XYLT1: variants seen among roughly 807,000 people sequenced by gnomAD.
XYLT1 encodes the protein beta-D-xylosyltransferase 1.
Under a neutral mutation model 91.3 loss-of-function variants are expected in XYLT1, and 36 were observed. The ratio of observed to expected loss-of-function variants is 0.39; its 90% CI spans 0.30 to 0.52. The LOEUF (loss-of-function observed/expected upper bound fraction) is 0.52, where lower values mean the gene tolerates loss of function less well. XYLT1 is among the 20% of genes least tolerant of loss of function. The probability of loss-of-function intolerance (pLI) is 0.68; values close to 1 mark genes in which losing one functional copy is unlikely to be tolerated. For synonymous variants in XYLT1, 588 were observed against 532.0 expected (o/e 1.11, Z -1.45); for missense variants, 1,242 against 1,284.5 (o/e 0.97, Z 0.51).
At chr16:17,293,553 T>A (rs1329473668) in intron 2 of XYLT1, among the ~76,000 whole-genome samples, 1 of 138,090 alleles carries the variant, frequency 7.2e-6, no homozygotes, top group African/African-American at 2.6e-5. Context: ...AGCGGCACAA[T>A]CCTGGCTCAC....
chr16:17,412,169 CA>C (rs905742972), intron 1 of XYLT1, among the ~76,000 whole-genome samples: 1 of 152,008 alleles, frequency 6.6e-6, no homozygotes, highest in Non-Finnish European at 1.5e-5. Flanking sequence ...AAATGGCCCC[CA>C]AAAACGCTCC....
intron 10 of XYLT1, among the ~76,000 whole-genome samples, chr16:17,123,442 C>G (rs1226702436): frequency 1.3e-5 from 2 of 152,116 alleles, no homozygotes; most frequent in Non-Finnish European, 2.9e-5. Context: ...GTGTTGAATT[C>G]AGGAGCAAGT....
chr16:17,257,781 G>A (rs865876427), intron 3 of XYLT1, among the ~76,000 whole-genome samples: 2 of 152,300 alleles, frequency 1.3e-5, no homozygotes, highest in African/African-American at 2.4e-5. Context: ...TTGGGCTCAT[G>A]ACATCAGCAT....
intron 7 of XYLT1, 46 bp from the exon 8 acceptor site, chr16:17,138,577 C>T: frequency 6.3e-7 from 1 of 1,594,758 alleles, no homozygotes; most frequent in Non-Finnish European, 8.6e-7. Flanking sequence ...CCCAGCCTCC[C>T]ACAGATGAAC....
intron 2 of XYLT1, among the ~76,000 whole-genome samples, chr16:17,356,392 A>G (rs1050636576): frequency 2.0e-5 from 3 of 152,052 alleles, no homozygotes; most frequent in Admixed American, 6.6e-5. Context: ...TCAGAGCTGC[A>G]CCTTCTATAC....
intron 1 of XYLT1, among the ~76,000 whole-genome samples, chr16:17,437,342 C>A (rs2036471026): frequency 6.6e-6 from 1 of 152,144 alleles, no homozygotes; most frequent in African/African-American, 2.4e-5. Context: ...GGGCTAAACT[C>A]CCACATGTGG....
At position 17,242,954 on chromosome 16, in the gene XYLT1, T is replaced by C. The variant is rs559286132; in HGVS notation, c.913+16034A>G. Among the ~76,000 whole-genome samples the C allele has an allele frequency of 9.8e-5, 15 of 152,334 alleles. No individual in the cohort carries two copies. The South Asian group carries it at 2.7e-3, about 27-fold the overall frequency. ...CAGCATGCGATAGGGTCTTCTCCCT[T>C]TTTAAGGCTGGCTAGTATTCCACTG... On this transcript the variant is annotated intron_variant, in intron 3 of 11. Coordinates refer to ENST00000261381, the MANE Select transcript of XYLT1 (RefSeq NM_022166.4).
intron 3 of XYLT1, among the ~76,000 whole-genome samples, chr16:17,243,567 A>T (rs1041851375): frequency 6.6e-6 from 1 of 152,166 alleles, no homozygotes; most frequent in Non-Finnish European, 1.5e-5. Flanking sequence ...TAGATTAAAG[A>T]TCAAGCAACA....
At chr16:17,163,277 T>G (rs2031595987) in intron 5 of XYLT1, among the ~76,000 whole-genome samples, 2 of 152,176 alleles carry the variant, frequency 1.3e-5, no homozygotes, top group Non-Finnish European at 2.9e-5. Context: ...CACCATTGTG[T>G]GTGTGTCTTA....
chr16:17,410,968 GGCTTCTTGCATATTTT>G (rs1361114599), intron 1 of XYLT1, among the ~76,000 whole-genome samples: 2 of 152,108 alleles, frequency 1.3e-5, no homozygotes, highest in Non-Finnish European at 2.9e-5. Flanking sequence ...ATTAGCACCA[GGCTTCTTGCATATTTT>G]ACAGATTGCT....
chr16:17,295,932 C>T (rs2034302585), intron 2 of XYLT1, among the ~76,000 whole-genome samples: 1 of 152,120 alleles, frequency 6.6e-6, no homozygotes, highest in Non-Finnish European at 1.5e-5. Context: ...ATGAATGAAC[C>T]CCCTCTGTGC....
chr16:17,162,839 A>G (rs2031587956), intron 5 of XYLT1, among the ~76,000 whole-genome samples: 1 of 152,256 alleles, frequency 6.6e-6, no homozygotes, highest in Admixed American at 6.5e-5. Flanking sequence ...ATGTATGACT[A>G]TGAGTAGTTA....
intron 2 of XYLT1, among the ~76,000 whole-genome samples, chr16:17,266,822 G>A (rs148828482): frequency 0.018 from 2,772 of 152,302 alleles, 98 homozygotes; most frequent in Admixed American, 0.1. Context: ...ACAGGGAGAG[G>A]CCTGCACCTG....
chr16:17,330,027 C>T (rs944617447), intron 2 of XYLT1, among the ~76,000 whole-genome samples: 1 of 151,882 alleles, frequency 6.6e-6, no homozygotes, highest in Admixed American at 6.6e-5. Context: ...GAACAGTATT[C>T]ATAGCCCCAG....
intron 6 of XYLT1, among the ~76,000 whole-genome samples, chr16:17,153,542 G>A (rs1201049380): frequency 6.6e-6 from 1 of 152,188 alleles, no homozygotes; most frequent in African/African-American, 2.4e-5. Flanking sequence ...AGCCTCCCAG[G>A]ATGCTGGGAT....
At chr16:17,220,081 T>A (rs1473245059) in intron 3 of XYLT1, among the ~76,000 whole-genome samples, 1 of 152,134 alleles carries the variant, frequency 6.6e-6, no homozygotes, top group Non-Finnish European at 1.5e-5. Context: ...GCAGTTAAGA[T>A]AAGCCTTTAA....
At chr16:17,171,436 C>T (rs2031817391) in intron 5 of XYLT1, among the ~76,000 whole-genome samples, 1 of 152,204 alleles carries the variant, frequency 6.6e-6, no homozygotes, top group Non-Finnish European at 1.5e-5. Flanking sequence ...GTCATACACA[C>T]CATGGAAAAA....
At chr16:17,422,901 C>T (rs534180117) in intron 1 of XYLT1, among the ~76,000 whole-genome samples, 101 of 152,288 alleles carry the variant, frequency 6.6e-4, no homozygotes, top group African/African-American at 2.2e-3. Flanking sequence ...CGCAAAGTGG[C>T]AAATAGGGGC....
intron 3 of XYLT1, among the ~76,000 whole-genome samples, chr16:17,241,482 T>C (rs1183039127): frequency 6.6e-6 from 1 of 152,210 alleles, no homozygotes; most frequent in Non-Finnish European, 1.5e-5. Flanking sequence ...CCAGGTCACC[T>C]TGCCAGGGCC....
Sources: gnomAD v4.1 joint callset for allele counts (sites outside exome capture counted in the v4.1 genomes callset) on GRCh38, gnomAD v4.1.1 for gene constraint, MANE v1.5 for transcripts, NCBI Gene and HGNC (gene_info 2026-07-23, HGNC 2026-07-21) for gene names.